CFAP299: variants seen among roughly 807,000 people sequenced by gnomAD.
CFAP299 encodes cilia- and flagella-associated protein 299.
A neutral mutation model predicts 27.0 loss-of-function variants in CFAP299; 21 were observed. That is an observed-to-expected ratio of 0.78 (90% CI 0.55 to 1.12). The LOEUF is 1.12. CFAP299 is among the 50% of genes most tolerant of loss of function. The pLI is 0.00. For synonymous variants in CFAP299, 104 were observed against 98.1 expected (o/e 1.06, Z -0.36); for missense variants, 310 against 276.6 (o/e 1.12, Z -0.86).
At chr4:80,812,647 G>T (rs1326724406) in intron 3 of CFAP299, among the ~76,000 whole-genome samples, 1 of 152,062 alleles carries the variant, frequency 6.6e-6, no homozygotes, top group Non-Finnish European at 1.5e-5. Flanking sequence ...AGACAACCAA[G>T]GTGGTCAAAT....
At chr4:80,367,327 GTTC>G (rs1723884992) in intron 2 of CFAP299, among the ~76,000 whole-genome samples, 1 of 152,110 alleles carries the variant, frequency 6.6e-6, no homozygotes, top group Non-Finnish European at 1.5e-5. Context: ...AATAAGAAAA[GTTC>G]TTCTTAATGT....
chr4:80,786,608 A>G (rs928262623), intron 3 of CFAP299, among the ~76,000 whole-genome samples: 2 of 152,140 alleles, frequency 1.3e-5, no homozygotes, highest in East Asian at 3.9e-4. Flanking sequence ...ACAAACCTCA[A>G]CCAATTATAG....
intron 3 of CFAP299, among the ~76,000 whole-genome samples, chr4:80,641,568 A>G (rs183922866): frequency 2.0e-5 from 3 of 152,198 alleles, no homozygotes; most frequent in Non-Finnish European, 4.4e-5. Context: ...ATTTTGCCCT[A>G]TTTATCAACT....
intron 3 of CFAP299, among the ~76,000 whole-genome samples, chr4:80,845,441 AC>A (rs1214556089): frequency 2.0e-5 from 3 of 152,116 alleles, no homozygotes; most frequent in African/African-American, 7.2e-5. Context: ...ATTGGTTCCT[AC>A]CTAATCTCAA....
chr4:80,387,526 G>C, intron 2 of CFAP299: 1 of 861,682 alleles, frequency 1.2e-6, no homozygotes, highest in Non-Finnish European at 1.9e-6. Flanking sequence ...GCTTGGTAGG[G>C]GCTGGCCCAA....
chr4:80,610,502 T>C (rs1033502918), intron 3 of CFAP299, among the ~76,000 whole-genome samples: 2 of 152,104 alleles, frequency 1.3e-5, no homozygotes, highest in Admixed American at 6.5e-5. Flanking sequence ...CTTTCTCAGG[T>C]TATAGTAATT....
intron 2 of CFAP299, among the ~76,000 whole-genome samples, chr4:80,451,972 G>A (rs1444384870): frequency 2.0e-5 from 3 of 152,116 alleles, no homozygotes; most frequent in Non-Finnish European, 4.4e-5. Flanking sequence ...GTAACTTGTA[G>A]CTACTGGCAG....
rs1298277814 is a variant in CFAP299, at chr4:80,952,511, T to G, written c.606+7572T>G. Among the ~76,000 whole-genome samples, 3 of 152,076 alleles carry G rather than the reference T, an allele frequency of 2.0e-5. No individual in the cohort carries two copies. In the East Asian group the frequency reaches 5.8e-4, roughly 29 times the overall value. On this transcript the variant is annotated intron_variant, in intron 5 of 5. Transcript: ENST00000358105. Reference sequence around the variant, plus strand: ...TCCAGGGTAACGGCAATGTGTTAGGTGCATGGGTAAATGAGAGTAGCAATT... The same window carrying G: ...TCCAGGGTAACGGCAATGTGTTAGGGGCATGGGTAAATGAGAGTAGCAATT...
intron 4 of CFAP299, among the ~76,000 whole-genome samples, chr4:80,938,978 GT>G (rs1033906992): frequency 6.6e-6 from 1 of 151,958 alleles, no homozygotes; most frequent in Admixed American, 6.6e-5. Context: ...TAAATATATT[GT>G]TTTACTCTCT....
At chr4:80,876,565 T>C (rs1166362422) in intron 4 of CFAP299, among the ~76,000 whole-genome samples, 1 of 152,184 alleles carries the variant, frequency 6.6e-6, no homozygotes, top group Non-Finnish European at 1.5e-5. Flanking sequence ...TATAGCAATA[T>C]AATAATGGAC....
intron 3 of CFAP299, among the ~76,000 whole-genome samples, chr4:80,733,467 C>T (rs1378451752): frequency 1.3e-5 from 2 of 151,998 alleles, no homozygotes; most frequent in Non-Finnish European, 2.9e-5. Flanking sequence ...ACAAACAATC[C>T]AATTCTACTC....
At chr4:80,733,711 A>G (rs1299002901) in intron 3 of CFAP299, among the ~76,000 whole-genome samples, 1 of 152,026 alleles carries the variant, frequency 6.6e-6, no homozygotes, top group East Asian at 1.9e-4. Context: ...TGTGACACTG[A>G]GTGATGTTTG....
intron 3 of CFAP299, among the ~76,000 whole-genome samples, chr4:80,860,533 G>T (rs944285481): frequency 2.0e-5 from 3 of 152,098 alleles, no homozygotes; most frequent in African/African-American, 7.2e-5. Context: ...CCCCATCTTT[G>T]TGGTTTTATC....
intron 1 of CFAP299, among the ~76,000 whole-genome samples, chr4:80,346,848 A>T (rs557684391): frequency 1.3e-5 from 2 of 152,208 alleles, no homozygotes; most frequent in African/African-American, 4.8e-5. Context: ...CATTGAATCT[A>T]TAAATTACCT....
chr4:80,796,007 A>T (rs564244375), intron 3 of CFAP299, among the ~76,000 whole-genome samples: 2 of 152,296 alleles, frequency 1.3e-5, no homozygotes, highest in South Asian at 2.1e-4. Flanking sequence ...AGACCAAGTG[A>T]CAGAGCAGCT....
rs572536578 is a variant in CFAP299 at position 80,901,818 on chromosome 4, A to G, written c.476+31683A>G. On this transcript the variant is annotated intron_variant, in intron 4 of 5. Transcript: ENST00000358105. The stretch of plus-strand genomic sequence containing the variant: ...GACTTATTAAGCCTAAAATTTCCAA[A>G]CAGAACTCTAAATTAAATCTCTTAA... Among the ~76,000 whole-genome samples, 7 of 152,234 alleles carry G rather than the reference A, an allele frequency of 4.6e-5. No individual in the cohort carries two copies. In the South Asian group the frequency reaches 1.5e-3, roughly 32 times the overall value.
Position 80,724,874 on chromosome 4 carries a change from CCTTT to C in CFAP299, c.333+141696_333+141699del, listed in dbSNP as rs550918548. 8.3e-4 allele frequency among the ~76,000 whole-genome samples: 120 copies of C among 145,136 alleles called. 1 individual carries two copies. Among genetic ancestry groups the C allele is most frequent in the African/African-American group, 2.8e-3 (110 of 39,382 alleles). On this transcript the variant is annotated intron_variant, in intron 3 of 5. Coordinates refer to ENST00000358105, the MANE Select transcript of CFAP299 (RefSeq NM_152770.3). ...CCTTCCTTCCTTTCCTTCCTTCTTT[CCTTT>C]CTTTTTCTTTCTTTCTTTCTTTCTT... is the stretch of plus-strand genomic sequence containing the variant.
intron 3 of CFAP299, among the ~76,000 whole-genome samples, chr4:80,680,046 A>C (rs756683865): frequency 6.6e-6 from 1 of 152,008 alleles, no homozygotes; most frequent in African/African-American, 2.4e-5. Flanking sequence ...GATTTTCTAT[A>C]TTTGTTATAC....
chr4:80,736,995 G>A (rs989699220), intron 3 of CFAP299, among the ~76,000 whole-genome samples: 1 of 152,158 alleles, frequency 6.6e-6, no homozygotes, highest in Admixed American at 6.5e-5. Context: ...AAAAAATGAT[G>A]AGTTCATGTC....
Sources: gnomAD v4.1 joint callset for allele counts (sites outside exome capture counted in the v4.1 genomes callset) on GRCh38, gnomAD v4.1.1 for gene constraint, MANE v1.5 for transcripts, NCBI Gene and HGNC (gene_info 2026-07-23, HGNC 2026-07-21) for gene names.